MTCL1: variants seen among roughly 807,000 people sequenced by gnomAD.
MTCL1 encodes the protein microtubule cross-linking factor 1.
In MTCL1, 79 loss-of-function variants were observed where a neutral mutation model predicts 141.4. The observed-to-expected ratio is 0.56, with a 90% CI of 0.47 to 0.67. The LOEUF is 0.67. MTCL1 is among the 30% of genes least tolerant of loss of function. MTCL1 has a pLI of 0.00. For synonymous variants in MTCL1, 914 were observed against 875.8 expected (o/e 1.04, Z -0.77); for missense variants, 2,177 against 2,113.9 (o/e 1.03, Z -0.59).
At chr18:8,824,638 T>A in intron 14 of MTCL1, 61 bp from the exon 14 acceptor site, 1 of 1,410,414 alleles carries the variant, frequency 7.1e-7, no homozygotes, top group Non-Finnish European at 9.7e-7. Flanking sequence ...AGGACATGGG[T>A]GTTGTGGTGT....
At chr18:8,813,144 C>A (rs146388364) in exon 12 of MTCL1, 1 of 1,613,952 alleles carries the variant, frequency 6.2e-7, no homozygotes, top group African/African-American at 1.3e-5. Flanking sequence ...GAACTGGAAC[C>A]GGGAGAAGGT....
chr18:8,752,743 A>G (rs1217265769), intron 4 of MTCL1, among the ~76,000 whole-genome samples: 1 of 152,214 alleles, frequency 6.6e-6, no homozygotes, highest in Non-Finnish European at 1.5e-5. Context: ...ATCAGATGCT[A>G]CCAGTTGCTC....
At chr18:8,798,805 T>C (rs1384665666) in intron 10 of MTCL1, among the ~76,000 whole-genome samples, 1 of 152,224 alleles carries the variant, frequency 6.6e-6, no homozygotes, top group Non-Finnish European at 1.5e-5. Flanking sequence ...GTAGCTGTTA[T>C]TGTTGCCAGA....
chr18:8,786,110 T>TCCCCCCCCCCCCAAC lies in MTCL1; in HGVS notation c.1887+30_1887+31insCAACCCCCCCCCCCC. ...CCTGGAGGTCAGCGTGGGCAAGCAA[T>TCCCCCCCCCCCCAAC]CCCCCCCCCCCGCCCTCCCCCTCCT... On this transcript the variant is annotated intron_variant, in intron 7 of 16. Coordinates refer to ENST00000359865, the Ensembl canonical transcript of MTCL1. 7.6e-7 allele frequency: 1 copy of TCCCCCCCCCCCCAAC among 1,310,348 alleles called. No individual in the cohort carries two copies. The highest frequency in any genetic ancestry group is 1.0e-6 in the Non-Finnish European group (1 of 990,148). 81.2% of individuals were successfully genotyped at this position (1,310,348 alleles called of 1,614,324 possible).
exon 11 of MTCL1, chr18:8,806,959 C>T (rs370454729): frequency 9.9e-6 from 16 of 1,613,624 alleles, no homozygotes; most frequent in East Asian, 2.2e-5. Flanking sequence ...TGCGGAGCTG[C>T]GGGAGGATGA....
chr18:8,792,733 TATG>T (rs1339762114), intron 7 of MTCL1, among the ~76,000 whole-genome samples: 2 of 152,220 alleles, frequency 1.3e-5, no homozygotes, highest in African/African-American at 2.4e-5. Context: ...GGTTTGTGGT[TATG>T]GTGGTGGGTG....
At chr18:8,796,150 C>A in intron 8 of MTCL1, 82 bp from the exon 8 acceptor site, 1 of 1,348,992 alleles carries the variant, frequency 7.4e-7, no homozygotes, top group Non-Finnish European at 1.1e-6. Flanking sequence ...GACTGAGTGG[C>A]AGTTTGCAGG....
intron 4 of MTCL1, among the ~76,000 whole-genome samples, chr18:8,744,193 AC>A (rs2096321885): frequency 6.6e-6 from 1 of 152,252 alleles, no homozygotes; most frequent in Non-Finnish European, 1.5e-5. Context: ...GCCCGGGCCC[AC>A]TGGCACCCTT....
intron 9 of MTCL1, among the ~76,000 whole-genome samples, chr18:8,796,901 A>G (rs888712145): frequency 3.9e-5 from 6 of 152,138 alleles, no homozygotes; most frequent in Non-Finnish European, 7.4e-5. Flanking sequence ...GTACATATTC[A>G]TGGGATACAA....
chr18:8,818,426 GT>G, intron 12 of MTCL1, among the ~76,000 whole-genome samples: 1 of 151,786 alleles, frequency 6.6e-6, no homozygotes, highest in African/African-American at 2.4e-5. Context: ...TAAAGTGTAA[GT>G]TATGTTTAAC....
intron 4 of MTCL1, among the ~76,000 whole-genome samples, chr18:8,730,661 T>G (rs1555631089): frequency 6.6e-6 from 1 of 152,190 alleles, no homozygotes; most frequent in Non-Finnish European, 1.5e-5. Flanking sequence ...GCTGCCTTCT[T>G]TTTATTTCCT....
intron 11 of MTCL1, 111 bp downstream of exon 10, chr18:8,807,171 G>GA: frequency 3.5e-6 from 4 of 1,153,598 alleles, no homozygotes; most frequent in East Asian, 2.6e-5. Flanking sequence ...TCTTGTCCAG[G>GA]AAAAAAAGAG....
intron 4 of MTCL1, among the ~76,000 whole-genome samples, chr18:8,741,444 G>T (rs2096302808): frequency 6.6e-6 from 1 of 152,184 alleles, no homozygotes; most frequent in Non-Finnish European, 1.5e-5. Context: ...TTTAAAGGAT[G>T]GGTTTCAATT....
chr18:8,805,132 CA>C (rs1405702459), intron 10 of MTCL1, among the ~76,000 whole-genome samples: 2 of 125,922 alleles, frequency 1.6e-5, no homozygotes, highest in African/African-American at 6.8e-5. Flanking sequence ...ATTTTAGGTT[CA>C]GGGGGTACAT....
intron 4 of MTCL1, among the ~76,000 whole-genome samples, chr18:8,739,970 A>C (rs2096293753): frequency 6.6e-6 from 1 of 152,210 alleles, no homozygotes; most frequent in African/African-American, 2.4e-5. Flanking sequence ...TGACCTCGTG[A>C]TCTGCCCGCC....
Position 8,801,268 on chromosome 18 carries a change from C to A in MTCL1, c.2436+2977C>A, listed in dbSNP as rs1186290228. On this transcript the variant is annotated intron_variant, in intron 10 of 16. Coordinates refer to ENST00000359865, the Ensembl canonical transcript of MTCL1. ...AGATGAAAAACTTCCAGAAAGAGCA[C>A]CCTTGCCAGAGGAGGCCTCACATCA... is the stretch of plus-strand genomic sequence containing the variant. Among the ~76,000 whole-genome samples, 4 of 152,112 alleles carry A rather than the reference C, an allele frequency of 2.6e-5. No homozygotes were observed. The South Asian group carries it at 6.2e-4, about 24-fold the overall frequency.
exon 6 of MTCL1, chr18:8,784,235 C>A: frequency 6.2e-7 from 1 of 1,609,200 alleles, no homozygotes; most frequent in Non-Finnish European, 8.5e-7. Flanking sequence ...GGCAGCCCAC[C>A]TGGGGCTGCG....
At chr18:8,709,575 A>T (rs1481853844) in intron 1 of MTCL1, among the ~76,000 whole-genome samples, 1 of 152,174 alleles carries the variant, frequency 6.6e-6, no homozygotes, top group Non-Finnish European at 1.5e-5. Context: ...ACTAACTCTC[A>T]GGATTAGGTA....
chr18:8,755,436 G>A (rs115635820), intron 4 of MTCL1, among the ~76,000 whole-genome samples: 7 of 152,292 alleles, frequency 4.6e-5, no homozygotes, highest in South Asian at 4.1e-4. Context: ...GTCTTGCAGC[G>A]TGTGTGAGTG....
Sources: allele counts gnomAD v4.1 joint callset (sites outside exome capture counted in the v4.1 genomes callset), GRCh38; gene constraint gnomAD v4.1.1; transcripts MANE v1.5; gene names NCBI Gene and HGNC (gene_info 2026-07-23, HGNC 2026-07-21).